The following ZNF75D variants were observed in gnomAD, a reference collection of about 807,000 sequenced individuals.
ZNF75D encodes the protein zinc finger protein 75.
ZNF75D carries 33 observed loss-of-function variants against 33.3 expected under a neutral mutation model. The observed-to-expected ratio is 0.99, with a 90% CI of 0.75 to 1.32. ZNF75D has a LOEUF of 1.32. ZNF75D is among the 40% of genes most tolerant of loss of function. The pLI, the probability that ZNF75D is intolerant of heterozygous loss-of-function variation, is 0.00. For missense variants in ZNF75D, 338 were observed against 367.5 expected (o/e 0.92, Z 0.66); for synonymous variants, 113 against 130.6 (o/e 0.87, Z 0.92).
chrX:135,270,352 C>CATATATAT lies in ZNF75D; in HGVS notation n.828-14583_828-14576dup, dbSNP rs530211370. Among the ~76,000 whole-genome samples the CATATATAT allele has an allele frequency of 9.5e-3, 600 of 63,336 alleles. 4 individuals are homozygous for CATATATAT. The highest frequency in any genetic ancestry group is 0.013 in the Non-Finnish European group (406 of 32,236). The allele number at this position is 63,336 out of a possible 115,157, so 55.0% of individuals were successfully genotyped here. On this transcript the variant is annotated intron_variant and non_coding_transcript_variant, in intron 1 of 3. Transcript: ENST00000494295. ...ATTGCAGGCCTCTACCAAAATATCTCATATATATATATATATATATATATA... is the reference window on the plus strand; with the variant it reads ...ATTGCAGGCCTCTACCAAAATATCTCATATATATATATATATATATATATATATATATA...
intron 1 of ZNF75D, among the ~76,000 whole-genome samples, chrX:135,327,224 G>A (rs1214197592): frequency 8.9e-6 from 1 of 112,327 alleles, no homozygotes; most frequent in Non-Finnish European, 1.9e-5. Flanking sequence ...CAGGGGTGGA[G>A]TTCATGAGTT....
intron 1 of ZNF75D, among the ~76,000 whole-genome samples, chrX:135,261,869 T>C (rs1556415579): frequency 8.9e-6 from 1 of 112,037 alleles, no homozygotes. Flanking sequence ...TGCCCGTTAA[T>C]TGATGCAGTT....
intron 1 of ZNF75D, among the ~76,000 whole-genome samples, chrX:135,305,184 T>C (rs371507615): frequency 1.8e-5 from 2 of 111,897 alleles, no homozygotes; most frequent in African/African-American, 3.2e-5. Flanking sequence ...AGGATCCCCC[T>C]GGGAATTAGC....
intron 1 of ZNF75D, among the ~76,000 whole-genome samples, chrX:135,310,780 C>G (rs2084349915): frequency 9.0e-6 from 1 of 111,317 alleles, no homozygotes; most frequent in African/African-American, 3.3e-5. Context: ...TTTAACTCCT[C>G]TATGTCCATT....
chrX:135,321,923 T>C (rs2084500806), intron 1 of ZNF75D, among the ~76,000 whole-genome samples: 2 of 112,141 alleles, frequency 1.8e-5, no homozygotes, highest in Admixed American at 1.9e-4. Flanking sequence ...CAAAGGAATG[T>C]AGAGTAGTTT....
At chrX:135,294,283 C>T in intron 2 of ZNF75D, 25 bp from the exon 3 acceptor site, 3 of 442,825 alleles carry the variant, frequency 6.8e-6, no homozygotes, top group Non-Finnish European at 1.1e-5. Flanking sequence ...AAGAAAAGTA[C>T]ATGTCAAGAA....
rs187998313 is a variant in ZNF75D at position 135,296,920 on chromosome X, A to G, written c.-390-881T>C. 2.7e-5 allele frequency: 3 copies of G among 112,330 alleles called. No individual in the cohort carries two copies. The East Asian group carries it at 8.4e-4, about 31-fold the overall frequency. 9.3% of individuals were successfully genotyped at this position (112,330 alleles called of 1,213,427 possible). On this transcript the variant is annotated intron_variant, in intron 1 of 6. Transcript: ENST00000370766. Reference sequence around the variant, plus strand: ...CTACATTATGCTTTCCCTGGAGGACAGAAATCTTGCTTCCATCTTTATCTC... The same window carrying G: ...CTACATTATGCTTTCCCTGGAGGACGGAAATCTTGCTTCCATCTTTATCTC...
chrX:135,335,934 T>C (rs2084706087), intron 1 of ZNF75D, among the ~76,000 whole-genome samples: 1 of 112,147 alleles, frequency 8.9e-6, no homozygotes, highest in Non-Finnish European at 1.9e-5. Context: ...TATCCTTTTT[T>C]TGTTTTTGCT....
chrX:135,336,983 G>A (rs1476021584), intron 1 of ZNF75D, among the ~76,000 whole-genome samples: 1 of 111,953 alleles, frequency 8.9e-6, no homozygotes, highest in African/African-American at 3.3e-5. Flanking sequence ...CTAGTAAGTT[G>A]CAGAGGCACG....
chrX:135,321,606 G>A (rs1383659054), intron 1 of ZNF75D, among the ~76,000 whole-genome samples: 7 of 111,966 alleles, frequency 6.3e-5, no homozygotes, highest in African/African-American at 2.0e-4. Context: ...GTTGATAAAG[G>A]AGCTCATGTC....
chrX:135,313,481 G>T (rs923193623), intron 1 of ZNF75D, among the ~76,000 whole-genome samples: 17 of 110,877 alleles, frequency 1.5e-4, no homozygotes, highest in Non-Finnish European at 3.2e-4. Flanking sequence ...TTTTTTTGTT[G>T]TTGTTGTTCC....
rs908118208 is a variant in ZNF75D, at chrX:135,333,383, T to C, written c.-391+8385A>G. Among the ~76,000 whole-genome samples the C allele has an allele frequency of 5.4e-5, 6 of 112,073 alleles. No homozygotes were observed. In the Admixed American group the frequency reaches 5.7e-4, roughly 11 times the overall value. ...AGAGGGCAAGGAAGGCCAGGTGATATAGCCTTTATGTGTCAAGTACCTGAG... is the reference window on the plus strand; with the variant it reads ...AGAGGGCAAGGAAGGCCAGGTGATACAGCCTTTATGTGTCAAGTACCTGAG... On this transcript the variant is annotated intron_variant, in intron 1 of 6. Transcript: ENST00000370766.
chrX:135,323,989 GCACA>G (rs34146473), intron 1 of ZNF75D, among the ~76,000 whole-genome samples: 6,975 of 97,318 alleles, frequency 0.072, 539 homozygotes, highest in African/African-American at 0.22. Context: ...ACTTGTTGCA[GCACA>G]CACACACACA....
chrX:135,308,775 G>A (rs2084321100), intron 1 of ZNF75D, among the ~76,000 whole-genome samples: 1 of 111,790 alleles, frequency 8.9e-6, no homozygotes, highest in African/African-American at 3.3e-5. Flanking sequence ...TCAGAAGGAT[G>A]GGCCTTAGAA....
intron 1 of ZNF75D, among the ~76,000 whole-genome samples, chrX:135,326,591 A>G (rs1334322144): frequency 1.8e-5 from 2 of 111,941 alleles, no homozygotes; most frequent in African/African-American, 3.2e-5. Context: ...CCCCTTCCAC[A>G]CTGCGGAAGC....
intron 1 of ZNF75D, among the ~76,000 whole-genome samples, chrX:135,305,976 G>A (rs782333753): frequency 8.7e-4 from 97 of 111,310 alleles, no homozygotes; most frequent in Non-Finnish European, 1.7e-3. Context: ...GATTTTCTAC[G>A]CTCCCTGTGG....
intron 1 of ZNF75D, among the ~76,000 whole-genome samples, chrX:135,257,282 C>A (rs184361483): frequency 8.9e-6 from 1 of 112,210 alleles, no homozygotes; most frequent in Admixed American, 9.4e-5. Flanking sequence ...CATACGGGAG[C>A]CCACTGCCCT....
intron 1 of ZNF75D, among the ~76,000 whole-genome samples, chrX:135,259,603 A>G (rs1182184108): frequency 9.1e-6 from 1 of 110,464 alleles, no homozygotes; most frequent in East Asian, 2.8e-4. Context: ...GTTTGTCTTA[A>G]TGGTGTATAG....
chrX:135,281,691 T>C (rs782110503), downstream of ZNF75D, among the ~76,000 whole-genome samples: 52 of 112,395 alleles, frequency 4.6e-4, no homozygotes, highest in Non-Finnish European at 8.3e-4. Context: ...TCCTTTTTGT[T>C]GATGTTGATA....
Sources: gnomAD v4.1 joint callset for allele counts (sites outside exome capture counted in the v4.1 genomes callset) on GRCh38, gnomAD v4.1.1 for gene constraint, MANE v1.5 for transcripts, NCBI Gene and HGNC (gene_info 2026-07-23, HGNC 2026-07-21) for gene names.